The following GPC6 variants were observed in gnomAD, a reference collection of about 807,000 sequenced individuals.
GPC6 encodes the protein glypican-6.
GPC6 carries 14 observed loss-of-function variants against 55.2 expected under a neutral mutation model. The observed-to-expected ratio is 0.25, with a 90% confidence interval of 0.17 to 0.40. GPC6 has a LOEUF of 0.40. Ranked by LOEUF, GPC6 falls within the 10% of genes least tolerant of loss-of-function variation. The probability of loss-of-function intolerance (pLI) is 1.00; values close to 1 mark genes in which losing one functional copy is unlikely to be tolerated. For missense variants in GPC6, 641 were observed against 708.5 expected (o/e 0.90, Z 1.08); for synonymous variants, 278 against 259.6 (o/e 1.07, Z -0.68).
At chr13:94,189,879 G>A (rs2138960434) in intron 4 of GPC6, among the ~76,000 whole-genome samples, 1 of 152,210 alleles carries the variant, frequency 6.6e-6, no homozygotes, top group Middle Eastern at 3.4e-3. Context: ...AAATTGGCCA[G>A]GCGTGGTGGC....
chr13:93,987,093 C>A (rs747586097), intron 3 of GPC6, among the ~76,000 whole-genome samples: 3 of 151,890 alleles, frequency 2.0e-5, no homozygotes, highest in African/African-American at 7.3e-5. Context: ...TTTGTGAAGT[C>A]GACTAATACG....
chr13:94,264,230 T>C (rs9561523), intron 4 of GPC6, among the ~76,000 whole-genome samples: 5,401 of 152,336 alleles, frequency 0.035, 271 homozygotes, highest in East Asian at 0.21. Context: ...CATTCTATGT[T>C]TGGCTAATTT....
At chr13:93,718,849 C>G (rs557754383) in intron 2 of GPC6, among the ~76,000 whole-genome samples, 2 of 151,926 alleles carry the variant, frequency 1.3e-5, no homozygotes, top group Non-Finnish European at 2.9e-5. Flanking sequence ...GAATCCTTTC[C>G]TCATTCCTTG....
chr13:94,118,334 A>G (rs1340740711), intron 4 of GPC6, among the ~76,000 whole-genome samples: 3 of 151,900 alleles, frequency 2.0e-5, no homozygotes, highest in South Asian at 2.1e-4. Flanking sequence ...ATGAAAATGG[A>G]TATGTTTGCT....
intron 4 of GPC6, among the ~76,000 whole-genome samples, chr13:94,256,777 CCAGAGA>C (rs1434596709): frequency 2.5e-4 from 38 of 152,156 alleles, no homozygotes; most frequent in Admixed American, 1.3e-4. Flanking sequence ...CCAAATCCTT[CCAGAGA>C]CAGAGATCTT....
chr13:93,738,419 T>C (rs1041844290), intron 2 of GPC6, among the ~76,000 whole-genome samples: 2 of 152,154 alleles, frequency 1.3e-5, no homozygotes, highest in African/African-American at 4.8e-5. Context: ...TTCATGACAG[T>C]TTTTTCCCAT....
intron 6 of GPC6, among the ~76,000 whole-genome samples, chr13:94,322,163 G>T (rs7335845): frequency 0.12 from 17,534 of 152,084 alleles, 2,507 homozygotes; most frequent in African/African-American, 0.34. Flanking sequence ...AGACTGTGAG[G>T]AAGTCTCATG....
intron 3 of GPC6, among the ~76,000 whole-genome samples, chr13:93,832,880 T>C (rs1297561994): frequency 6.6e-6 from 1 of 152,184 alleles, no homozygotes; most frequent in Non-Finnish European, 1.5e-5. Context: ...CACCATTCTT[T>C]TGCAGAACAA....
chr13:93,303,993 C>T (rs1253569304), intron 1 of GPC6, among the ~76,000 whole-genome samples: 3 of 151,614 alleles, frequency 2.0e-5, no homozygotes, highest in Non-Finnish European at 4.4e-5. Context: ...CTCAGCCTCC[C>T]GAGCAGCTGG....
At chr13:94,055,825 T>C (rs1884113860) in intron 4 of GPC6, among the ~76,000 whole-genome samples, 1 of 152,140 alleles carries the variant, frequency 6.6e-6, no homozygotes, top group Non-Finnish European at 1.5e-5. Context: ...AAAATAGCCA[T>C]AGCTACACAG....
intron 3 of GPC6, among the ~76,000 whole-genome samples, chr13:93,833,661 A>C (rs948199656): frequency 1.3e-5 from 2 of 152,008 alleles, no homozygotes; most frequent in African/African-American, 4.8e-5. Flanking sequence ...AATTGCTTTG[A>C]CTGGAAAATT....
At chr13:94,195,668 A>G (rs990789344) in intron 4 of GPC6, among the ~76,000 whole-genome samples, 1 of 152,216 alleles carries the variant, frequency 6.6e-6, no homozygotes, top group Non-Finnish European at 1.5e-5. Context: ...ACTCAGTGCA[A>G]TACCTGGAAG....
chr13:94,054,865 ATTAGAGAGC>A (rs1884077661), intron 4 of GPC6, among the ~76,000 whole-genome samples: 1 of 152,092 alleles, frequency 6.6e-6, no homozygotes, highest in South Asian at 2.1e-4. Context: ...TATGCTCTGT[ATTAGAGAGC>A]TTAGAGAGCT....
At chr13:93,807,523 G>A (rs1026453765) in intron 2 of GPC6, among the ~76,000 whole-genome samples, 1 of 152,178 alleles carries the variant, frequency 6.6e-6, no homozygotes, top group Admixed American at 6.5e-5. Flanking sequence ...TGCCTGAACT[G>A]GAGTTACTGA....
chr13:93,834,325 G>T (rs1262430948), intron 3 of GPC6, among the ~76,000 whole-genome samples: 1 of 152,142 alleles, frequency 6.6e-6, no homozygotes, highest in Admixed American at 6.5e-5. Context: ...AAACCTCATT[G>T]TGAGAGATAA....
intron 1 of GPC6, among the ~76,000 whole-genome samples, chr13:93,461,595 T>C (rs1947078): frequency 0.73 from 108,393 of 149,138 alleles, 39,186 homozygotes; most frequent in East Asian, 0.99. Flanking sequence ...ACTTTCTAAA[T>C]CATAGGAAAT....
chr13:93,597,173 T>C (rs372483625), intron 2 of GPC6, among the ~76,000 whole-genome samples: 18 of 152,264 alleles, frequency 1.2e-4, no homozygotes, highest in African/African-American at 4.3e-4. Context: ...TTCCTTCAAA[T>C]GTTTGTCTCA....
chr13:93,690,960 G>A (rs1882236448), intron 2 of GPC6, among the ~76,000 whole-genome samples: 1 of 151,848 alleles, frequency 6.6e-6, no homozygotes, highest in Admixed American at 6.6e-5. Context: ...TCACTATGCT[G>A]GAGTGCCTAA....
chr13:93,350,528 T>C (rs947200644), intron 1 of GPC6, among the ~76,000 whole-genome samples: 1 of 152,214 alleles, frequency 6.6e-6, no homozygotes, highest in Non-Finnish European at 1.5e-5. Flanking sequence ...TTAAAGCACA[T>C]AGTAATTTGC....
Sources: gnomAD v4.1 joint callset for allele counts (sites outside exome capture counted in the v4.1 genomes callset) on GRCh38, gnomAD v4.1.1 for gene constraint, MANE v1.5 for transcripts, NCBI Gene and HGNC (gene_info 2026-07-23, HGNC 2026-07-21) for gene names.